The following FAT3 variants were observed in gnomAD, a reference collection of about 807,000 sequenced individuals.
The protein encoded by FAT3 is FAT atypical cadherin 3, also known as protocadherin Fat 3.
In FAT3, 95 loss-of-function variants were observed where a neutral mutation model predicts 310.2. The ratio of observed to expected loss-of-function variants is 0.31; its 90% CI spans 0.26 to 0.36. FAT3 has a LOEUF of 0.36. FAT3 is among the 10% of genes least tolerant of loss of function. The pLI is 1.00. For synonymous variants in FAT3, 2,314 were observed against 2,192.9 expected (o/e 1.06, Z -1.54); for missense variants, 5,408 against 5,715.6 (o/e 0.95, Z 1.74).
In FAT3 at chr11:92,837,769, C is replaced by T. The variant is rs1428996982; in HGVS notation, c.10331C>T (p.Pro3444Leu). Residue 3444 changes from proline to leucine, a missense_variant, in exon 17 of 28, where the codon CCG (proline) becomes CTG (leucine). Pro to Leu is a moderately conservative substitution (Grantham distance 98, BLOSUM62 -3). Coordinates refer to ENST00000525166, the MANE Select transcript of FAT3 (RefSeq NM_001367949.2). The stretch of plus-strand genomic sequence containing the variant: ...ATTTCTGATGTGAATGACAACAGCC[C>T]GGTGTTTACACCTGCCAACTATACT... ...IDISDVNDNS[P>L]VFTPANYTAV... 7.4e-6 allele frequency: 12 copies of T among 1,613,794 alleles called. No individual in the cohort carries two copies. The highest frequency in any genetic ancestry group is 1.6e-4 in the Middle Eastern group (1 of 6,084).
intron 3 of FAT3, among the ~76,000 whole-genome samples, chr11:92,638,330 C>A (rs1941842897): frequency 6.6e-6 from 1 of 152,134 alleles, no homozygotes; most frequent in South Asian, 2.1e-4. Context: ...CAGTCAGAGG[C>A]CTTTTAGGAC....
At chr11:92,803,543 C>T (rs1947423781) in intron 10 of FAT3, among the ~76,000 whole-genome samples, 1 of 152,142 alleles carries the variant, frequency 6.6e-6, no homozygotes, top group Admixed American at 6.5e-5. Flanking sequence ...AGTGATATCC[C>T]AGGGAGGACC....
intron 3 of FAT3, among the ~76,000 whole-genome samples, chr11:92,624,330 C>T (rs1028928036): frequency 6.6e-6 from 1 of 152,072 alleles, no homozygotes; most frequent in African/African-American, 2.4e-5. Flanking sequence ...ACTTAGGAAG[C>T]CGGTTAAAGT....
intron 3 of FAT3, among the ~76,000 whole-genome samples, chr11:92,689,586 C>A (rs1222699617): frequency 6.6e-6 from 1 of 152,092 alleles, no homozygotes; most frequent in African/African-American, 2.4e-5. Flanking sequence ...GAAGGCAGAA[C>A]CGGAGGGCTC....
intron 2 of FAT3, among the ~76,000 whole-genome samples, chr11:92,391,800 G>T (rs10830910): frequency 5.8e-4 from 88 of 152,128 alleles, no homozygotes; most frequent in Middle Eastern, 6.8e-3. Flanking sequence ...GACAGTGGCC[G>T]TGTTTCCTCA....
intron 2 of FAT3, among the ~76,000 whole-genome samples, chr11:92,467,971 G>A (rs1448263163): frequency 6.6e-6 from 1 of 152,180 alleles, no homozygotes; most frequent in Non-Finnish European, 1.5e-5. Flanking sequence ...ATATGACATA[G>A]GAGAAGTCAC....
At chr11:92,439,551 G>T (rs1366381315) in intron 2 of FAT3, among the ~76,000 whole-genome samples, 1 of 151,708 alleles carries the variant, frequency 6.6e-6, no homozygotes. Context: ...TCTGCCTTTC[G>T]GGAGCTCACA....
intron 3 of FAT3, among the ~76,000 whole-genome samples, chr11:92,558,675 G>T (rs553409855): frequency 6.6e-6 from 1 of 152,202 alleles, no homozygotes; most frequent in South Asian, 2.1e-4. Flanking sequence ...TGTTTGTGTA[G>T]TGTTTTTATA....
intron 2 of FAT3, among the ~76,000 whole-genome samples, chr11:92,406,136 G>A (rs1591240840): frequency 6.6e-6 from 1 of 152,054 alleles, no homozygotes; most frequent in Non-Finnish European, 1.5e-5. Context: ...TTTCCACTAT[G>A]AGTTCAGTTT....
chr11:92,777,800 T>A (rs746938192), intron 7 of FAT3, among the ~76,000 whole-genome samples: 11 of 151,960 alleles, frequency 7.2e-5, no homozygotes, highest in Admixed American at 1.3e-4. Flanking sequence ...ATTACATGAG[T>A]TTATGAATGC....
chr11:92,721,303 G>T (rs1944851506), intron 4 of FAT3, among the ~76,000 whole-genome samples: 1 of 152,188 alleles, frequency 6.6e-6, no homozygotes. Context: ...TGTGTCCTCT[G>T]AGGATATTGA....
chr11:92,609,943 A>G (rs2135620034), intron 3 of FAT3, among the ~76,000 whole-genome samples: 1 of 152,330 alleles, frequency 6.6e-6, no homozygotes, highest in East Asian at 1.9e-4. Flanking sequence ...TAAGTTTGAA[A>G]CTTCGTCAAT....
At chr11:92,337,961 A>G (rs1948137120) in intron 1 of FAT3, among the ~76,000 whole-genome samples, 1 of 151,822 alleles carries the variant, frequency 6.6e-6, no homozygotes, top group African/African-American at 2.4e-5. Flanking sequence ...TCTTCTTTAG[A>G]TTTTTTTTTA....
At chr11:92,818,418 G>A (rs1947878585) in intron 13 of FAT3, among the ~76,000 whole-genome samples, 1 of 152,140 alleles carries the variant, frequency 6.6e-6, no homozygotes, top group African/African-American at 2.4e-5. Flanking sequence ...GGAAGAAACT[G>A]GCTCTGTCCG....
intron 2 of FAT3, among the ~76,000 whole-genome samples, chr11:92,439,026 T>C (rs1421495205): frequency 6.6e-6 from 1 of 152,204 alleles, no homozygotes; most frequent in Non-Finnish European, 1.5e-5. Context: ...GAGGAAAACA[T>C]ACAGGCAGAA....
At chr11:92,340,340 G>A (rs944768586) in intron 1 of FAT3, among the ~76,000 whole-genome samples, 15 of 152,080 alleles carry the variant, frequency 9.9e-5, no homozygotes, top group African/African-American at 3.4e-4. Context: ...GCTTAAGGCT[G>A]TAGGGTTGCT....
chr11:92,626,862 G>A (rs562639726), intron 3 of FAT3, among the ~76,000 whole-genome samples: 1 of 152,160 alleles, frequency 6.6e-6, no homozygotes, highest in Non-Finnish European at 1.5e-5. Flanking sequence ...TATGCATGGT[G>A]CTTGTTCTGC....
intron 3 of FAT3, among the ~76,000 whole-genome samples, chr11:92,596,329 C>T (rs547004094): frequency 2.0e-5 from 3 of 152,032 alleles, no homozygotes; most frequent in Non-Finnish European, 4.4e-5. Flanking sequence ...GAAGGGACTC[C>T]AGGGAGCTGT....
At chr11:92,859,957 T>G (rs1949079625) in intron 21 of FAT3, among the ~76,000 whole-genome samples, 2 of 152,082 alleles carry the variant, frequency 1.3e-5, no homozygotes, top group South Asian at 2.1e-4. Flanking sequence ...TCCCAACACT[T>G]TGGGAAGCTG....
Sources: allele counts gnomAD v4.1 joint callset (sites outside exome capture counted in the v4.1 genomes callset), GRCh38; gene constraint gnomAD v4.1.1; transcripts MANE v1.5; gene names NCBI Gene and HGNC (gene_info 2026-07-23, HGNC 2026-07-21).